Variants in MEIS1 observed in about 807,000 individuals in gnomAD.
MEIS1 encodes the protein homeobox protein Meis1.
Under a neutral mutation model 50.8 loss-of-function variants are expected in MEIS1, and 5 were observed. That is an observed-to-expected ratio of 0.10 (90% CI 0.05 to 0.21). MEIS1 has a LOEUF of 0.21. Ranked by LOEUF, MEIS1 falls within the 10% of genes least tolerant of loss-of-function variation. The probability of loss-of-function intolerance (pLI) is 1.00; values close to 1 mark genes in which losing one functional copy is unlikely to be tolerated. For missense variants in MEIS1, 318 were observed against 517.3 expected, an observed-to-expected ratio of 0.61 and a Z score of 3.74; for synonymous variants, 176 against 179.3, an observed-to-expected ratio of 0.98 and a Z score of 0.15.
At chr2:66,537,677 G>A (rs1030358074) in intron 8 of MEIS1, among the ~76,000 whole-genome samples, 7 of 152,136 alleles carry the variant, frequency 4.6e-5, no homozygotes, top group Middle Eastern at 3.2e-3. Context: ...ATCTGTAAAG[G>A]CAATAATGAT....
intron 9 of MEIS1, among the ~76,000 whole-genome samples, chr2:66,557,034 C>G (rs1464831093): frequency 6.6e-6 from 1 of 152,012 alleles, no homozygotes; most frequent in Non-Finnish European, 1.5e-5. Context: ...TTTAGTCATG[C>G]TATTTCTTTT....
intron 6 of MEIS1, among the ~76,000 whole-genome samples, chr2:66,457,698 C>T (rs1672424609): frequency 6.6e-6 from 1 of 152,200 alleles, no homozygotes; most frequent in African/African-American, 2.4e-5. Flanking sequence ...CCCCCCCAGA[C>T]AGTGTGGGAT....
intron 9 of MEIS1, among the ~76,000 whole-genome samples, chr2:66,555,645 G>C (rs141291166): frequency 6.5e-4 from 99 of 152,162 alleles, no homozygotes; most frequent in Middle Eastern, 3.4e-3. Context: ...GCACAGACCT[G>C]ATCTCCACCT....
intron 6 of MEIS1, chr2:66,443,510 A>C (rs1361241239): frequency 5.8e-6 from 1 of 171,158 alleles, no homozygotes; most frequent in African/African-American, 2.4e-5. Flanking sequence ...GAAATCTAGC[A>C]AATGCTGGCT....
chr2:66,466,254 C>G (rs1471788814), intron 7 of MEIS1, among the ~76,000 whole-genome samples: 9 of 152,204 alleles, frequency 5.9e-5, no homozygotes. Flanking sequence ...TCATCAGACC[C>G]TCTTTCCTCA....
chr2:66,562,673 A>G (rs764237567), intron 9 of MEIS1, among the ~76,000 whole-genome samples: 1 of 152,172 alleles, frequency 6.6e-6, no homozygotes, highest in Non-Finnish European at 1.5e-5. Flanking sequence ...CTATTTGGAC[A>G]TGAAAAAAAG....
At chr2:66,496,247 G>A (rs1043009891) in intron 7 of MEIS1, 3 of 152,148 alleles carry the variant, frequency 2.0e-5, no homozygotes, top group African/African-American at 7.2e-5. Context: ...CCCTCCCCTC[G>A]GGCGTGGGGG....
At chr2:66,456,162 A>G (rs529944677) in intron 6 of MEIS1, among the ~76,000 whole-genome samples, 20 of 152,064 alleles carry the variant, frequency 1.3e-4, no homozygotes, top group Admixed American at 3.9e-4. Context: ...GAACTGGGAA[A>G]TATGGAACTC....
In MEIS1 at chr2:66,447,472, G is replaced by T. The variant is rs1490333171; in HGVS notation, c.630+4424G>T. Among the ~76,000 whole-genome samples the T allele has an allele frequency of 2.0e-5, 3 of 152,342 alleles. No homozygotes were observed. The East Asian group carries it at 5.8e-4, about 29-fold the overall frequency. On this transcript the variant is annotated intron_variant, in intron 6 of 12. Coordinates refer to ENST00000272369, the MANE Select transcript of MEIS1 (RefSeq NM_002398.3). ...ATATGTCAAATGGAAATTATGGCAA[G>T]ATTCTCTTTAATGATTAAATAATAA...
intron 7 of MEIS1, among the ~76,000 whole-genome samples, chr2:66,489,228 A>G (rs1243151667): frequency 2.0e-5 from 3 of 152,240 alleles, no homozygotes; most frequent in Non-Finnish European, 2.9e-5. Context: ...CACCAAGGAC[A>G]TATTACCAAG....
intron 7 of MEIS1, among the ~76,000 whole-genome samples, chr2:66,497,259 T>C (rs1673428805): frequency 6.6e-6 from 1 of 152,220 alleles, no homozygotes; most frequent in East Asian, 1.9e-4. Context: ...CAGATCTGGG[T>C]TGAATCCACA....
At chr2:66,568,533 G>GA in intron 10 of MEIS1, 134 bp from the exon 11 acceptor site, 1 of 410,168 alleles carries the variant, frequency 2.4e-6, no homozygotes, top group Non-Finnish European at 4.1e-6. Flanking sequence ...ATTTCACTTT[G>GA]AATGTTTAAA....
At chr2:66,474,051 G>T (rs113331081) in intron 7 of MEIS1, among the ~76,000 whole-genome samples, 9,302 of 152,020 alleles carry the variant, frequency 0.061, 952 homozygotes, top group African/African-American at 0.21. Flanking sequence ...ATAATGACAA[G>T]AAAAAAGTCT....
intron 6 of MEIS1, among the ~76,000 whole-genome samples, chr2:66,450,983 G>C (rs941406205): frequency 1.1e-4 from 16 of 151,952 alleles, no homozygotes; most frequent in African/African-American, 3.9e-4. Flanking sequence ...AGTTTGCTAG[G>C]TCTCATTTTC....
chr2:66,456,584 C>T (rs1180261885), intron 6 of MEIS1, among the ~76,000 whole-genome samples: 4 of 152,178 alleles, frequency 2.6e-5, no homozygotes, highest in Non-Finnish European at 4.4e-5. Context: ...CCAGAATTAC[C>T]CTTCAGGCCT....
rs536092350 is a variant in MEIS1, at chr2:66,484,534, T to TTTTC, written c.742+20334_742+20337dup. On this transcript the variant is annotated intron_variant, in intron 7 of 12. Transcript: ENST00000272369. The stretch of plus-strand genomic sequence containing the variant: ...TCCCATTCCTTTTTTACAAAAGGAA[T>TTTTC]TTTCTTTCTTTCTTTCTTTCTTTTA... Among the ~76,000 whole-genome samples the TTTTC allele has an allele frequency of 3.5e-4, 54 of 152,124 alleles. No homozygotes were observed. The East Asian group carries it at 3.9e-3, about 11-fold the overall frequency.
At chr2:66,461,970 G>T in intron 6 of MEIS1, 1 of 428,524 alleles carries the variant, frequency 2.3e-6, no homozygotes, top group East Asian at 7.3e-5. Flanking sequence ...AGAATAGAAT[G>T]TGGAAAATTG....
chr2:66,490,444 A>T (rs1673244419), intron 7 of MEIS1, among the ~76,000 whole-genome samples: 1 of 151,782 alleles, frequency 6.6e-6, no homozygotes, highest in Non-Finnish European at 1.5e-5. Context: ...GGGAATGGAG[A>T]TAAAATTATG....
intron 9 of MEIS1, among the ~76,000 whole-genome samples, chr2:66,556,594 T>A (rs1483794183): frequency 6.6e-6 from 1 of 152,156 alleles, no homozygotes; most frequent in Admixed American, 6.5e-5. Flanking sequence ...TCAGTATTTT[T>A]ACTCTAGGAT....
Sources: gnomAD v4.1 joint callset for allele counts (sites outside exome capture counted in the v4.1 genomes callset) on GRCh38, gnomAD v4.1.1 for gene constraint, MANE v1.5 for transcripts, NCBI Gene and HGNC (gene_info 2026-07-23, HGNC 2026-07-21) for gene names.